The following ATP8A2 variants were observed in gnomAD, a reference collection of about 807,000 sequenced individuals.
ATP8A2 encodes ATPase phospholipid transporting 8A2.
A neutral mutation model predicts 165.6 loss-of-function variants in ATP8A2; 100 were observed. The observed-to-expected ratio is 0.60, with a 90% CI of 0.51 to 0.71. The LOEUF (loss-of-function observed/expected upper bound fraction) is 0.71, where lower values mean the gene tolerates loss of function less well. Ranked by LOEUF, ATP8A2 falls within the 30% of genes least tolerant of loss-of-function variation. The pLI, the probability that ATP8A2 is intolerant of heterozygous loss-of-function variation, is 0.00. For synonymous variants in ATP8A2, 543 were observed against 548.8 expected, an observed-to-expected ratio of 0.99 and a Z score of 0.15; for missense variants, 1,227 against 1,479.5, an observed-to-expected ratio of 0.83 and a Z score of 2.80.
chr13:25,403,672 A>G (rs1487082551), intron 1 of ATP8A2, among the ~76,000 whole-genome samples: 1 of 152,194 alleles, frequency 6.6e-6, no homozygotes, highest in Non-Finnish European at 1.5e-5. Context: ...CTTTTTCCAG[A>G]ACACAATAGG....
At chr13:25,391,830 G>A (rs1054257672) in intron 1 of ATP8A2, among the ~76,000 whole-genome samples, 2 of 152,204 alleles carry the variant, frequency 1.3e-5, no homozygotes, top group Non-Finnish European at 2.9e-5. Context: ...TTGAGTGGAT[G>A]GAGGGTTCAG....
At chr13:25,780,256 G>T (rs894513508) in intron 27 of ATP8A2, among the ~76,000 whole-genome samples, 6 of 152,178 alleles carry the variant, frequency 3.9e-5, no homozygotes, top group Non-Finnish European at 7.3e-5. Context: ...AATCATAATG[G>T]TGATTAGTTG....
intron 1 of ATP8A2, among the ~76,000 whole-genome samples, chr13:25,451,598 T>G (rs1340680862): frequency 6.6e-6 from 1 of 152,152 alleles, no homozygotes; most frequent in Non-Finnish European, 1.5e-5. Flanking sequence ...TTAATTTCTA[T>G]TTCCTTGGTA....
intron 25 of ATP8A2, among the ~76,000 whole-genome samples, chr13:25,765,825 C>T (rs777293814): frequency 3.3e-5 from 5 of 152,236 alleles, no homozygotes; most frequent in South Asian, 4.1e-4. Flanking sequence ...TATCGCTAAC[C>T]TCCCTAACAA....
intron 16 of ATP8A2, among the ~76,000 whole-genome samples, chr13:25,564,266 C>T (rs961007233): frequency 3.3e-5 from 5 of 152,262 alleles, no homozygotes; most frequent in Non-Finnish European, 4.4e-5. Flanking sequence ...AAGATCAAGA[C>T]GAGTTTTACC....
chr13:25,726,229 A>C (rs756857760), intron 25 of ATP8A2, among the ~76,000 whole-genome samples: 8 of 152,206 alleles, frequency 5.3e-5, no homozygotes, highest in African/African-American at 1.2e-4. Context: ...CTTGCTGAGA[A>C]GGTAGTAAAG....
At chr13:25,700,493 C>T (rs1246799625) in intron 25 of ATP8A2, among the ~76,000 whole-genome samples, 1 of 152,202 alleles carries the variant, frequency 6.6e-6, no homozygotes, top group Admixed American at 6.5e-5. Context: ...TTAGCCTGTT[C>T]TTTTTCTGAC....
intron 33 of ATP8A2, among the ~76,000 whole-genome samples, chr13:25,874,834 A>G (rs1304340877): frequency 3.9e-5 from 6 of 152,210 alleles, no homozygotes; most frequent in South Asian, 4.1e-4. Context: ...TAGAAGATAC[A>G]TGGATGAACA....
At chr13:25,528,769 T>C (rs1239226802) in intron 2 of ATP8A2, among the ~76,000 whole-genome samples, 2 of 82,278 alleles carry the variant, frequency 2.4e-5, no homozygotes, top group Non-Finnish European at 3.4e-5. Flanking sequence ...ATGCAACATG[T>C]GTATGCACAC....
At chr13:25,965,626 C>G (rs2139199438) in intron 34 of ATP8A2, among the ~76,000 whole-genome samples, 1 of 152,304 alleles carries the variant, frequency 6.6e-6, no homozygotes, top group Non-Finnish European at 1.5e-5. Context: ...TTACTGATGA[C>G]AGCATGCTTA....
At chr13:25,923,348 G>A (rs78463494) in intron 33 of ATP8A2, among the ~76,000 whole-genome samples, 72 of 152,200 alleles carry the variant, frequency 4.7e-4, no homozygotes, top group African/African-American at 1.6e-3. Context: ...CCAGCACACC[G>A]CAAGACATTT....
At chr13:25,384,534 T>C (rs1361759200) in intron 1 of ATP8A2, among the ~76,000 whole-genome samples, 1 of 152,228 alleles carries the variant, frequency 6.6e-6, no homozygotes, top group African/African-American at 2.4e-5. Flanking sequence ...AATTCTTGTC[T>C]TTGTCTTCGT....
At chr13:25,550,785 AT>A (rs2038796163) in intron 10 of ATP8A2, among the ~76,000 whole-genome samples, 1 of 152,050 alleles carries the variant, frequency 6.6e-6, no homozygotes, top group Admixed American at 6.6e-5. Context: ...CCATCCACTT[AT>A]TTTGAAACCC....
chr13:25,598,923 C>T (rs1565966852), intron 24 of ATP8A2, among the ~76,000 whole-genome samples: 1 of 152,074 alleles, frequency 6.6e-6, no homozygotes. Flanking sequence ...GCTTTCCTAC[C>T]AAGTTATAAC....
intron 25 of ATP8A2, among the ~76,000 whole-genome samples, chr13:25,736,688 C>T (rs906923697): frequency 6.6e-6 from 1 of 152,124 alleles, no homozygotes; most frequent in African/African-American, 2.4e-5. Flanking sequence ...ATGAATGTGG[C>T]TCTGTTCCAA....
chr13:25,717,077 A>G (rs2138010104), intron 25 of ATP8A2, among the ~76,000 whole-genome samples: 1 of 152,352 alleles, frequency 6.6e-6, no homozygotes, highest in South Asian at 2.1e-4. Context: ...CACTATCACC[A>G]GTGAGTCTTC....
At chr13:25,625,462 G>A (rs1054491784) in intron 24 of ATP8A2, among the ~76,000 whole-genome samples, 1 of 152,140 alleles carries the variant, frequency 6.6e-6, no homozygotes, top group Non-Finnish European at 1.5e-5. Context: ...TGAGCCTTCA[G>A]GTTTAAAAAT....
chr13:25,458,442 TG>T (rs763578037), intron 1 of ATP8A2, among the ~76,000 whole-genome samples: 2 of 152,172 alleles, frequency 1.3e-5, no homozygotes, highest in Non-Finnish European at 2.9e-5. Context: ...CTTAAACTCT[TG>T]GGCTCAAGCA....
chr13:25,431,134 T>G (rs1389957267), intron 1 of ATP8A2, among the ~76,000 whole-genome samples: 1 of 107,486 alleles, frequency 9.3e-6, no homozygotes, highest in Admixed American at 1.1e-4. Context: ...CACATTTCTC[T>G]AAACAGATTT....
Sources: allele counts gnomAD v4.1 joint callset (sites outside exome capture counted in the v4.1 genomes callset), GRCh38; gene constraint gnomAD v4.1.1; transcripts MANE v1.5; gene names NCBI Gene and HGNC (gene_info 2026-07-23, HGNC 2026-07-21).